Variants in FAM234B observed in about 807,000 individuals in gnomAD.
The protein encoded by FAM234B is protein FAM234B.
A neutral mutation model predicts 69.3 loss-of-function variants in FAM234B; 33 were observed. The ratio of observed to expected loss-of-function variants is 0.48; its 90% CI spans 0.36 to 0.64. The LOEUF (loss-of-function observed/expected upper bound fraction) is 0.64, where lower values mean the gene tolerates loss of function less well. Among genes scored for constraint, FAM234B ranks in the 30% least tolerant of loss-of-function variants. FAM234B has a pLI of 0.00. For missense variants in FAM234B, 697 were observed against 769.7 expected, an observed-to-expected ratio of 0.91 and a Z score of 1.12; for synonymous variants, 306 against 306.9, an observed-to-expected ratio of 1.00 and a Z score of 0.03.
intron 11 of FAM234B, among the ~76,000 whole-genome samples, chr12:13,078,354 TC>T (rs1865184942): frequency 1.3e-5 from 2 of 152,232 alleles, no homozygotes; most frequent in Admixed American, 1.3e-4. Context: ...CATGCCTATG[TC>T]CTGAATGGTA....
intron 6 of FAM234B, 37 bp downstream of exon 6, chr12:13,066,824 C>G (rs1175693368): frequency 1.3e-6 from 2 of 1,596,358 alleles, no homozygotes; most frequent in Non-Finnish European, 1.7e-6. Flanking sequence ...CTGTTCCCCA[C>G]TGGCATTTGT....
chr12:13,058,086 T>A (rs1399601789), intron 2 of FAM234B, among the ~76,000 whole-genome samples: 1 of 152,226 alleles, frequency 6.6e-6, no homozygotes, highest in African/African-American at 2.4e-5. Context: ...GAAGGCAGCC[T>A]TTTCTGGGGC....
At position 13,080,625 on chromosome 12, in the gene FAM234B, A is replaced by C. The variant is rs1401845165; in HGVS notation, c.1864A>C (p.Ile622Leu). 6.2e-7 allele frequency: 1 copy of C among 1,605,448 alleles called. No homozygotes were observed. The highest frequency in any genetic ancestry group is 1.1e-5 in the South Asian group (1 of 90,834). ...AGTCACGATAACTCTTTTTCCATAGATCTAATCTGATGGAATCTTCAGTTG... is the reference window on the plus strand; with the variant it reads ...AGTCACGATAACTCTTTTTCCATAGCTCTAATCTGATGGAATCTTCAGTTG... ...RIKFVEAPYE[I>L] Residue 622 changes from isoleucine (I) to leucine (L), a missense_variant and splice_region_variant, in exon 13 of 13, where the codon ATC (isoleucine) becomes CTC (leucine). By Grantham distance (5) the Ile-to-Leu change is conservative. Around this residue, in one of 3 missense-constraint regions of FAM234B, gnomAD observed 313 missense variants for 305.5 expected, o/e 1.02. Transcript: ENST00000197268.
chr12:13,073,979 A>G (rs183470720), intron 10 of FAM234B, among the ~76,000 whole-genome samples: 186 of 152,330 alleles, frequency 1.2e-3, no homozygotes, highest in African/African-American at 4.4e-3. Flanking sequence ...GAAAGCATCA[A>G]TGATTTCACC....
In FAM234B at chr12:13,058,461, G is replaced by A. The variant is rs764557315; in HGVS notation, c.444G>A (p.Leu148=). The change falls in exon 3 of 13, where the codon CTG becomes CTA. Residue 148 remains leucine (L), a synonymous_variant. Coordinates refer to ENST00000197268, the MANE Select transcript of FAM234B (RefSeq NM_020853.2). The stretch of plus-strand genomic sequence containing the variant: ...TTATGTGTATAACAGGTGGGGACCT[G>A]TCTCCATTGGAATTGGCTGATGTGA... ...RHLGSQGGGD[L]SPLELADVNG... is the part of the protein sequence containing the mutation. 4 of 1,613,956 alleles carry A rather than the reference G, an allele frequency of 2.5e-6. No individual in the cohort carries two copies. In the South Asian group the frequency reaches 4.4e-5, roughly 18 times the overall value.
rs141099977 is a variant in FAM234B at position 13,067,589 on chromosome 12, T to C, written c.1142+293T>C. Among the ~76,000 whole-genome samples, 424 of 152,326 alleles carry C rather than the reference T, an allele frequency of 2.8e-3. No homozygotes were observed. Among genetic ancestry groups the C allele is most frequent in the Non-Finnish European group, 4.7e-3 (318 of 68,026 alleles). On this transcript the variant is annotated intron_variant, in intron 7 of 12. Transcript: ENST00000197268. This position sits in a 1 kb window ranked among gnomAD's most constrained non-coding sequence, Gnocchi z 4.7. ...CAGAGTAGGGAGGGAGATAGACTTA[T>C]CTAACTGTTTGTGAAACTGTGCTGA...
rs148164195 is a variant in FAM234B at position 13,058,261 on chromosome 12, T to G, written c.434-190T>G. Among the ~76,000 whole-genome samples, 170 of 152,260 alleles carry G rather than the reference T, an allele frequency of 1.1e-3. 1 individual carries two copies. Among genetic ancestry groups the G allele is most frequent in the African/African-American group, 4.0e-3 (167 of 41,542 alleles). Reference sequence around the variant, plus strand: ...TCCTTCTCTCTGCCTTTTAGAGTTGTCTTATGTTTGTTTTATGTACAGTGT... The same window carrying G: ...TCCTTCTCTCTGCCTTTTAGAGTTGGCTTATGTTTGTTTTATGTACAGTGT... On this transcript the variant is annotated intron_variant, in intron 2 of 12. Transcript: ENST00000197268.
At chr12:13,056,537 A>C (rs756399345) in intron 2 of FAM234B, among the ~76,000 whole-genome samples, 1 of 152,110 alleles carries the variant, frequency 6.6e-6, no homozygotes, top group Non-Finnish European at 1.5e-5. Flanking sequence ...TGTGTTGAGT[A>C]GTCCTGTCTC....
At chr12:13,046,285 T>C (rs1864811004) in intron 1 of FAM234B, among the ~76,000 whole-genome samples, 1 of 152,196 alleles carries the variant, frequency 6.6e-6, no homozygotes, top group Non-Finnish European at 1.5e-5. Flanking sequence ...TTGCCCTTTC[T>C]TCTTCCCTCC....
chr12:13,066,684 AGTGG>A lies in FAM234B; in HGVS notation c.900_903del (p.Gly301AspfsTer3). 1 of 1,613,934 alleles carries A rather than the reference AGTGG, an allele frequency of 6.2e-7. No individual in the cohort carries two copies. The highest frequency in any genetic ancestry group is 8.5e-7 in the Non-Finnish European group (1 of 1,179,900). On this transcript the variant is annotated frameshift_variant, in exon 6 of 13. Coordinates refer to ENST00000197268, the MANE Select transcript of FAM234B (RefSeq NM_020853.2). LOFTEE classifies it high-confidence loss of function. ...TGGTGTCTGGCCGGACCGGAAATCC[AGTGG>A]GTCGACCTGTGAAGTACAACATCGT...
intron 10 of FAM234B, among the ~76,000 whole-genome samples, chr12:13,074,154 G>C (rs1421855332): frequency 1.3e-5 from 2 of 152,128 alleles, no homozygotes; most frequent in African/African-American, 4.8e-5. Context: ...GTTAGTATGA[G>C]TTTCCTCTGG....
At chr12:13,045,564 C>T (rs566745073) in intron 1 of FAM234B, among the ~76,000 whole-genome samples, 2 of 152,124 alleles carry the variant, frequency 1.3e-5, no homozygotes, top group Admixed American at 6.5e-5. Flanking sequence ...ATTTGGATGA[C>T]GCTAGGTTGG....
At chr12:13,073,139 C>T (rs1434184788) in intron 10 of FAM234B, among the ~76,000 whole-genome samples, 4 of 151,254 alleles carry the variant, frequency 2.6e-5, no homozygotes, top group South Asian at 2.1e-4. Context: ...CAGATGTTAT[C>T]ATTCTTTTTT....
chr12:13,080,124 C>CCA, intron 12 of FAM234B, 115 bp downstream of exon 12: 2 of 722,768 alleles, frequency 2.8e-6, no homozygotes, highest in Non-Finnish European at 2.3e-6. Context: ...AGATGTGTAT[C>CCA]AAGACAGTTG....
At chr12:13,071,581 G>A (rs1430877346) in intron 10 of FAM234B, among the ~76,000 whole-genome samples, 185 bp downstream of exon 10, 1 of 152,178 alleles carries the variant, frequency 6.6e-6, no homozygotes, top group Non-Finnish European at 1.5e-5. Flanking sequence ...TTGCCTTTTA[G>A]CAGAGAATGT....
In FAM234B at chr12:13,055,903, A is replaced by G. The variant is rs761587699; in HGVS notation, c.390A>G (p.Arg130=). The G allele has an allele frequency of 6.2e-7, 1 of 1,606,418 alleles. No homozygotes were observed. Among genetic ancestry groups the G allele is most frequent in the Non-Finnish European group, 8.5e-7 (1 of 1,176,366 alleles). The change falls in exon 2 of 13, where the codon AGA becomes AGG. Residue 130 remains arginine (R), a synonymous_variant. Coordinates refer to ENST00000197268, the MANE Select transcript of FAM234B (RefSeq NM_020853.2). ...LCAFLIPCPP[R]DLHSTWSRHL... ...CTTTCCTGATCCCCTGTCCTCCCAG[A>G]GATCTGCACAGCACCTGGAGCCGCC... is the stretch of plus-strand genomic sequence containing the variant.
chr12:13,044,972 G>T lies in FAM234B; in HGVS notation c.37+532G>T, dbSNP rs1265058711. Among the ~76,000 whole-genome samples the T allele has an allele frequency of 6.6e-6, 1 of 152,220 alleles. No homozygotes were observed. Among genetic ancestry groups the T allele is most frequent in the Non-Finnish European group, 1.5e-5 (1 of 68,036 alleles). On this transcript the variant is annotated intron_variant, in intron 1 of 12. Coordinates refer to ENST00000197268, the MANE Select transcript of FAM234B (RefSeq NM_020853.2). The surrounding 1 kb of genome is among the most constrained non-coding windows in gnomAD (Gnocchi z 5.6). Reference sequence around the variant, plus strand: ...GAGAAAATGAGAGTTATTTGGCTAAGTGAATTGTCCAAGGTCTCACAAGTA... The same window carrying T: ...GAGAAAATGAGAGTTATTTGGCTAATTGAATTGTCCAAGGTCTCACAAGTA...
In FAM234B at chr12:13,076,033, T is replaced by C; in HGVS notation, c.1532T>C (p.Ile511Thr). ...TTTGCTGCTTATTATCAGGATATCA[T>C]CCTAGGAACTGAGCCGCCCAGCCTT... ...LSAASPNSDIILGTEPPSLHH... is the reference protein window; with the variant it reads ...LSAASPNSDITLGTEPPSLHH... The change falls in exon 11 of 13, where the codon ATC becomes ACC. Residue 511 changes from isoleucine (I) to threonine (T), a missense_variant. Transcript: ENST00000197268. The C allele has an allele frequency of 6.2e-7, 1 of 1,612,708 alleles. No individual in the cohort carries two copies. The highest frequency in any genetic ancestry group is 8.5e-7 in the Non-Finnish European group (1 of 1,178,720).
chr12:13,054,724 G>A (rs1214301539), intron 1 of FAM234B, among the ~76,000 whole-genome samples: 2 of 152,180 alleles, frequency 1.3e-5, no homozygotes, highest in African/African-American at 4.8e-5. Flanking sequence ...TCAGTCATTG[G>A]CAGTGAGGCC....
Sources: gnomAD v4.1 joint callset for allele counts (sites outside exome capture counted in the v4.1 genomes callset) on GRCh38, gnomAD v4.1.1 for gene constraint, gnomAD v4.1.1 regional missense constraint, Gnocchi (gnomAD v3.1) non-coding constraint, MANE v1.5 for transcripts, NCBI Gene and HGNC (gene_info 2026-07-23, HGNC 2026-07-21) for gene names.